The following TENM2 variants were observed in gnomAD, a reference collection of about 807,000 sequenced individuals.
The protein encoded by TENM2 is teneurin transmembrane protein 2.
TENM2 carries 52 observed loss-of-function variants against 245.2 expected under a neutral mutation model. The ratio of observed to expected loss-of-function variants is 0.21; its 90% CI spans 0.17 to 0.27. The LOEUF (loss-of-function observed/expected upper bound fraction) is 0.27, where lower values mean the gene tolerates loss of function less well. TENM2 is among the 10% of genes least tolerant of loss of function. The probability of loss-of-function intolerance (pLI) is 1.00; values close to 1 mark genes in which losing one functional copy is unlikely to be tolerated. For synonymous variants in TENM2, 1,363 were observed against 1,438.9 expected (o/e 0.95, Z 1.19); for missense variants, 3,046 against 3,666.8 (o/e 0.83, Z 4.37).
At chr5:167,632,562 GT>G (rs1393515863) in intron 2 of TENM2, among the ~76,000 whole-genome samples, 2 of 152,152 alleles carry the variant, frequency 1.3e-5, no homozygotes, top group Admixed American at 6.5e-5. Flanking sequence ...CAGCGATTAA[GT>G]TTTTTACCCG....
At chr5:167,257,381 G>C in the TENM2 span, among the ~76,000 whole-genome samples, 1 of 151,632 alleles carries the variant, frequency 6.6e-6, no homozygotes, top group Non-Finnish European at 1.5e-5. Context: ...CCTATTTTTG[G>C]ACAACCAATT....
chr5:167,650,573 C>T (rs56791471), intron 2 of TENM2, among the ~76,000 whole-genome samples: 5,981 of 152,160 alleles, frequency 0.039, 418 homozygotes, highest in African/African-American at 0.14. Context: ...GAAGTCATTT[C>T]TTTGGCAACA....
At chr5:168,136,752 A>T (rs1208569837) in intron 12 of TENM2, among the ~76,000 whole-genome samples, 1 of 152,156 alleles carries the variant, frequency 6.6e-6, no homozygotes, top group African/African-American at 2.4e-5. Context: ...GTAGTGGAGG[A>T]TGCTTACAAG....
the TENM2 span, among the ~76,000 whole-genome samples, chr5:167,170,521 C>A: frequency 6.6e-6 from 1 of 152,228 alleles, no homozygotes; most frequent in South Asian, 2.1e-4. Context: ...GCCAAATTTG[C>A]ATGGCATGTC....
intron 2 of TENM2, among the ~76,000 whole-genome samples, chr5:167,396,104 C>A (rs1219752795): frequency 1.3e-5 from 2 of 152,062 alleles, no homozygotes; most frequent in Non-Finnish European, 2.9e-5. Flanking sequence ...ATTTTCACTT[C>A]TTGGTATTTA....
the TENM2 span, among the ~76,000 whole-genome samples, chr5:167,048,242 C>A: frequency 6.6e-6 from 1 of 152,142 alleles, no homozygotes. Context: ...TCTATCAGCC[C>A]ATTTTTATGA....
rs200324442 is a variant in TENM2, at chr5:168,244,725, A to T, written c.5817+9A>T. On this transcript the variant is annotated intron_variant, in intron 26 of 28. Transcript: ENST00000518659. The surrounding 1 kb of genome is among the most constrained non-coding windows in gnomAD (Gnocchi z 4.9). ...ACTCCTACCTTGACAAGGTAGGTGA[A>T]CATGCTGCCCTGACAGCAAGGGCTT... 26 of 1,431,448 alleles carry T rather than the reference A, an allele frequency of 1.8e-5. No individual in the cohort carries two copies. Among genetic ancestry groups the T allele is most frequent in the Non-Finnish European group, 2.4e-5 (26 of 1,082,798 alleles). The allele number at this position is 1,431,448 out of a possible 1,614,324, so 88.7% of individuals were successfully genotyped here. A position where few individuals can be genotyped will look rare whatever the true frequency, so the allele number is the denominator to read the frequency against.
intron 5 of TENM2, among the ~76,000 whole-genome samples, chr5:168,022,204 G>A (rs1162304943): frequency 6.6e-6 from 1 of 152,244 alleles, no homozygotes; most frequent in Non-Finnish European, 1.5e-5. Context: ...GGCTGGGGAT[G>A]CAGCGCAGAG....
chr5:167,638,102 TGTGTGTGTG>T (rs1269332052), intron 2 of TENM2, among the ~76,000 whole-genome samples: 4 of 34,932 alleles, frequency 1.1e-4, no homozygotes, highest in African/African-American at 2.6e-4. Flanking sequence ...TGTGTGTGTG[TGTGTGTGTG>T]TGTGTGTGTG....
Position 168,256,721 on chromosome 5 carries a change from G to A in TENM2, c.7433-3562G>A, listed in dbSNP as rs191022585. ...ATTGCAGGCATGAGCCACCTCGCCC[G>A]GCCTCAAACCTGTTTCTTAAATGGA... is the stretch of plus-strand genomic sequence containing the variant. On this transcript the variant is annotated intron_variant, in intron 27 of 28. Coordinates refer to ENST00000518659, the Ensembl canonical transcript of TENM2. 1.6e-4 allele frequency among the ~76,000 whole-genome samples: 25 copies of A among 152,216 alleles called. No homozygotes were observed. The East Asian group carries it at 1.9e-3, about 12-fold the overall frequency.
At chr5:167,829,744 G>T (rs958127160) in intron 2 of TENM2, among the ~76,000 whole-genome samples, 12 of 152,194 alleles carry the variant, frequency 7.9e-5, no homozygotes, top group Non-Finnish European at 2.9e-5. Flanking sequence ...AAGTGTTGGA[G>T]CCTGGATTAG....
At chr5:167,726,404 T>C (rs539853100) in intron 2 of TENM2, among the ~76,000 whole-genome samples, 2 of 152,310 alleles carry the variant, frequency 1.3e-5, no homozygotes, top group South Asian at 4.1e-4. Flanking sequence ...AGTTTTTGCA[T>C]GTGAATAGGC....
chr5:167,594,048 A>G (rs1022698397), intron 2 of TENM2, among the ~76,000 whole-genome samples: 15 of 152,176 alleles, frequency 9.9e-5, no homozygotes, highest in African/African-American at 3.6e-4. Flanking sequence ...ACATTCTTTA[A>G]GTTGTATGTT....
chr5:166,989,589 G>T, the TENM2 span, among the ~76,000 whole-genome samples: 1 of 151,300 alleles, frequency 6.6e-6, no homozygotes, highest in Non-Finnish European at 1.5e-5. Flanking sequence ...ATAGGGTTTT[G>T]CTATGTTGTC....
the TENM2 span, among the ~76,000 whole-genome samples, chr5:167,194,938 G>A: frequency 6.6e-6 from 1 of 151,904 alleles, no homozygotes; most frequent in African/African-American, 2.4e-5. Context: ...GTTAGGTGCC[G>A]AACATCACAC....
the TENM2 span, among the ~76,000 whole-genome samples, chr5:167,110,948 T>C: frequency 3.2e-4 from 49 of 152,338 alleles, no homozygotes; most frequent in Middle Eastern, 3.4e-3. Flanking sequence ...TTCCTTTGAC[T>C]GGTTGTTTTG....
intron 4 of TENM2, among the ~76,000 whole-genome samples, chr5:167,973,141 T>C (rs933202586): frequency 6.6e-6 from 1 of 152,234 alleles, no homozygotes; most frequent in African/African-American, 2.4e-5. Context: ...GAGAAATGCC[T>C]AGTAAGGCGG....
At chr5:167,321,167 A>G (rs887203761) in intron 1 of TENM2, among the ~76,000 whole-genome samples, 8 of 152,170 alleles carry the variant, frequency 5.3e-5, no homozygotes, top group Admixed American at 5.2e-4. Flanking sequence ...TCTGGAAATT[A>G]TATTACAGTT....
intron 1 of TENM2, among the ~76,000 whole-genome samples, chr5:167,295,745 G>A (rs1754912507): frequency 6.6e-6 from 1 of 152,142 alleles, no homozygotes; most frequent in South Asian, 2.1e-4. Flanking sequence ...TTCATTTCTT[G>A]AGCACCTTAA....
Sources: gnomAD v4.1 joint callset for allele counts (sites outside exome capture counted in the v4.1 genomes callset) on GRCh38, gnomAD v4.1.1 for gene constraint, Gnocchi (gnomAD v3.1) non-coding constraint, MANE v1.5 for transcripts, NCBI Gene and HGNC (gene_info 2026-07-23, HGNC 2026-07-21) for gene names.